RANBP2: variants seen among roughly 807,000 people sequenced by gnomAD.
RANBP2 encodes RAN binding protein 2.
RANBP2 carries 57 observed loss-of-function variants against 303.6 expected under a neutral mutation model. The ratio of observed to expected loss-of-function variants is 0.19; its 90% CI spans 0.15 to 0.23. The LOEUF (loss-of-function observed/expected upper bound fraction) is 0.23, where lower values mean the gene tolerates loss of function less well. RANBP2 is among the 10% of genes least tolerant of loss of function. The probability of loss-of-function intolerance (pLI) is 1.00; values close to 1 mark genes in which losing one functional copy is unlikely to be tolerated. For missense variants in RANBP2, 3,138 were observed against 3,780.8 expected, an observed-to-expected ratio of 0.83 and a Z score of 4.46; for synonymous variants, 1,167 against 1,301.5, an observed-to-expected ratio of 0.90 and a Z score of 2.23.
rs1676931793 is a variant in RANBP2, at chr2:108,763,938, T to G, written c.3399T>G (p.Thr1133=). The G allele has an allele frequency of 1.2e-6, 2 of 1,613,890 alleles. No individual in the cohort carries two copies. Among genetic ancestry groups the G allele is most frequent in the Admixed American group, 3.3e-5 (2 of 59,988 alleles). The part of the protein sequence containing the change: ...SGFRRSDDMF[T]FHGPGKSVFG... Reference sequence around the variant, plus strand: ...TTCGGCGAAGTGATGATATGTTTACTTTCCATGGTCCAGGGAAATCAGTAT... The same window carrying G: ...TTCGGCGAAGTGATGATATGTTTACGTTCCATGGTCCAGGGAAATCAGTAT... Residue 1133 remains threonine, a synonymous_variant, in exon 20 of 29, where the codon ACT becomes ACG. Transcript: ENST00000283195.
At chr2:109,043,927 G>A in the RANBP2 span, among the ~76,000 whole-genome samples, 1 of 152,302 alleles carries the variant, frequency 6.6e-6, no homozygotes, top group African/African-American at 2.4e-5. Flanking sequence ...GGGGTCCAGT[G>A]GTACTGGAGG....
At chr2:109,736,529 C>A in the RANBP2 span, among the ~76,000 whole-genome samples, 1 of 152,186 alleles carries the variant, frequency 6.6e-6, no homozygotes. Context: ...GGGACTTTTA[C>A]AATCGATTCC....
At chr2:108,939,443 G>A in the RANBP2 span, among the ~76,000 whole-genome samples, 18 of 152,298 alleles carry the variant, frequency 1.2e-4, no homozygotes, top group African/African-American at 3.8e-4. Context: ...CAGAGTATGC[G>A]TATGTGAAAA....
At chr2:109,663,125 G>C in the RANBP2 span, among the ~76,000 whole-genome samples, 1 of 152,104 alleles carries the variant, frequency 6.6e-6, no homozygotes, top group African/African-American at 2.4e-5. Context: ...TTTCCCTGAA[G>C]GTACTTTGTG....
At chr2:109,235,541 G>C in the RANBP2 span, among the ~76,000 whole-genome samples, 3 of 152,256 alleles carry the variant, frequency 2.0e-5, no homozygotes, top group Non-Finnish European at 4.4e-5. Context: ...CAAGAAGCAG[G>C]TGCTGCTGGA....
downstream of RANBP2, among the ~76,000 whole-genome samples, chr2:108,787,100 C>T (rs1053547102): frequency 2.6e-5 from 4 of 152,082 alleles, no homozygotes; most frequent in Non-Finnish European, 5.9e-5. Context: ...TGCGGGGGTG[C>T]GGGGGTGCCG....
the RANBP2 span, among the ~76,000 whole-genome samples, chr2:109,638,481 A>G: frequency 0.19 from 29,131 of 152,052 alleles, 3,462 homozygotes; most frequent in African/African-American, 0.34. Flanking sequence ...TTTTTCCTGA[A>G]GGTGAGCTCC....
the RANBP2 span, among the ~76,000 whole-genome samples, chr2:109,326,101 A>G: frequency 6.6e-6 from 1 of 152,220 alleles, no homozygotes; most frequent in African/African-American, 2.4e-5. Context: ...ATGGTAAAAC[A>G]TTTAAGGACA....
At chr2:109,106,943 T>TTC in the RANBP2 span, among the ~76,000 whole-genome samples, 1 of 151,318 alleles carries the variant, frequency 6.6e-6, no homozygotes, top group East Asian at 1.9e-4. Context: ...CCTTTTTTTT[T>TTC]TTTTTTTTTT....
the RANBP2 span, among the ~76,000 whole-genome samples, chr2:109,173,380 T>C: frequency 6.6e-6 from 1 of 152,150 alleles, no homozygotes; most frequent in Admixed American, 6.5e-5. Flanking sequence ...GTCTATCGTG[T>C]GACTGTTTCA....
chr2:109,336,692 T>G, the RANBP2 span, among the ~76,000 whole-genome samples: 2 of 152,274 alleles, frequency 1.3e-5, no homozygotes, highest in Non-Finnish European at 2.9e-5. Flanking sequence ...CTTATGAAGT[T>G]TACCTTAAGT....
the RANBP2 span, among the ~76,000 whole-genome samples, chr2:109,535,103 C>A: frequency 6.6e-6 from 1 of 152,092 alleles, no homozygotes; most frequent in African/African-American, 2.4e-5. Context: ...CTATTAGGCC[C>A]CTGGAAAATT....
the RANBP2 span, among the ~76,000 whole-genome samples, chr2:109,216,762 T>C: frequency 1.3e-5 from 2 of 152,240 alleles, no homozygotes; most frequent in South Asian, 4.1e-4. Flanking sequence ...CATACAAATA[T>C]ATTTTTTTAA....
the RANBP2 span, among the ~76,000 whole-genome samples, chr2:109,698,968 T>C: frequency 1.3e-5 from 2 of 152,202 alleles, no homozygotes; most frequent in African/African-American, 4.8e-5. Flanking sequence ...AGCAGTTAAA[T>C]TCCCTGCAGA....
At chr2:109,400,320 A>G in the RANBP2 span, among the ~76,000 whole-genome samples, 1 of 152,126 alleles carries the variant, frequency 6.6e-6, no homozygotes, top group African/African-American at 2.4e-5. Flanking sequence ...TGGCACACAC[A>G]TATACCTGCA....
At chr2:109,376,077 G>A in the RANBP2 span, among the ~76,000 whole-genome samples, 7 of 152,372 alleles carry the variant, frequency 4.6e-5, no homozygotes, top group South Asian at 1.4e-3. Flanking sequence ...GCTGGGGTAG[G>A]CAGAGAGCAC....
chr2:109,603,762 G>A, the RANBP2 span, among the ~76,000 whole-genome samples: 8 of 152,244 alleles, frequency 5.3e-5, no homozygotes, highest in Non-Finnish European at 1.2e-4. Context: ...ACTTGATGAA[G>A]AAACAGGAAA....
chr2:109,128,429 T>C, the RANBP2 span: 1 of 152,050 alleles, frequency 6.6e-6, no homozygotes, highest in Non-Finnish European at 1.5e-5. Flanking sequence ...GCCAGGGTGC[T>C]GGTCGGCGGG....
chr2:109,073,086 C>T, the RANBP2 span, among the ~76,000 whole-genome samples: 20 of 152,056 alleles, frequency 1.3e-4, no homozygotes, highest in African/African-American at 4.8e-4. Context: ...CAGAAACTGA[C>T]CCAAACAGAA....
Sources: allele counts gnomAD v4.1 joint callset (sites outside exome capture counted in the v4.1 genomes callset), GRCh38; gene constraint gnomAD v4.1.1; transcripts MANE v1.5; gene names NCBI Gene and HGNC (gene_info 2026-07-23, HGNC 2026-07-21).